SEMA3E: variants seen among roughly 807,000 people sequenced by gnomAD.
SEMA3E encodes semaphorin-3E.
Under a neutral mutation model 93.6 loss-of-function variants are expected in SEMA3E, and 49 were observed. That is an observed-to-expected ratio of 0.52 (90% CI 0.42 to 0.66). The LOEUF (loss-of-function observed/expected upper bound fraction) is 0.66, where lower values mean the gene tolerates loss of function less well. SEMA3E is among the 30% of genes least tolerant of loss of function. SEMA3E has a pLI of 0.00. For missense variants in SEMA3E, 906 were observed against 964.8 expected, an observed-to-expected ratio of 0.94 and a Z score of 0.81; for synonymous variants, 363 against 330.7, an observed-to-expected ratio of 1.10 and a Z score of -1.06.
At chr7:83,427,100 T>C (rs568560260) in intron 4 of SEMA3E, among the ~76,000 whole-genome samples, 1 of 152,298 alleles carries the variant, frequency 6.6e-6, no homozygotes, top group South Asian at 2.1e-4. Flanking sequence ...GCATGTAATT[T>C]GAAGGTAACG....
In SEMA3E at chr7:83,444,950, C is replaced by T. The variant is rs148997669; in HGVS notation, c.456+21532G>A. Among the ~76,000 whole-genome samples the T allele has an allele frequency of 6.0e-4, 91 of 152,234 alleles. 1 individual carries two copies. In the East Asian group the frequency reaches 0.015, roughly 26 times the overall value. ...CCTCCCAAAGTGCTGGGATTACAGG[C>T]GTGAGCCACCGTGACCAGCCTCAGC... On this transcript the variant is annotated intron_variant, in intron 4 of 16. Coordinates refer to ENST00000643230, the MANE Select transcript of SEMA3E (RefSeq NM_012431.3).
At chr7:83,597,351 A>G (rs1294682537) in intron 1 of SEMA3E, among the ~76,000 whole-genome samples, 3 of 152,118 alleles carry the variant, frequency 2.0e-5, no homozygotes, top group African/African-American at 7.2e-5. Context: ...TTTTATGATA[A>G]TTATTTTTGC....
At chr7:83,537,462 G>A (rs576342155) in intron 1 of SEMA3E, among the ~76,000 whole-genome samples, 1 of 152,250 alleles carries the variant, frequency 6.6e-6, no homozygotes, top group East Asian at 1.9e-4. Context: ...AAACGGTGAA[G>A]GGAGAGAGAA....
At chr7:83,616,098 T>C (rs1227708845) in intron 1 of SEMA3E, among the ~76,000 whole-genome samples, 1 of 152,100 alleles carries the variant, frequency 6.6e-6, no homozygotes. Context: ...AAATCTGTGC[T>C]CCTGTGATTT....
chr7:83,480,854 A>C (rs1051255589), intron 2 of SEMA3E, among the ~76,000 whole-genome samples: 3 of 152,220 alleles, frequency 2.0e-5, no homozygotes, highest in Non-Finnish European at 4.4e-5. Flanking sequence ...AAATATCATT[A>C]TCTCTTCTGG....
chr7:83,467,652 A>G (rs937282974), intron 3 of SEMA3E, among the ~76,000 whole-genome samples: 6 of 152,184 alleles, frequency 3.9e-5, no homozygotes, highest in Admixed American at 2.0e-4. Flanking sequence ...ACAATACAAA[A>G]CTAAATGTGT....
At chr7:83,613,034 T>G (rs1273675033) in intron 1 of SEMA3E, among the ~76,000 whole-genome samples, 1 of 152,112 alleles carries the variant, frequency 6.6e-6, no homozygotes, top group African/African-American at 2.4e-5. Flanking sequence ...TAATTTAAAT[T>G]TTTTAGCTTG....
At chr7:83,516,514 A>G (rs1470297302) in intron 1 of SEMA3E, among the ~76,000 whole-genome samples, 2 of 152,196 alleles carry the variant, frequency 1.3e-5, no homozygotes, top group Non-Finnish European at 2.9e-5. Context: ...ATACTTAGCA[A>G]ATCTTAACAC....
At chr7:83,476,651 A>G (rs1584274923) in intron 2 of SEMA3E, among the ~76,000 whole-genome samples, 2 of 151,396 alleles carry the variant, frequency 1.3e-5, no homozygotes, top group South Asian at 4.1e-4. Flanking sequence ...AGTTATTTTT[A>G]AAGCCATCAC....
chr7:83,596,444 G>T (rs1792873711), intron 1 of SEMA3E, among the ~76,000 whole-genome samples: 1 of 151,952 alleles, frequency 6.6e-6, no homozygotes, highest in African/African-American at 2.4e-5. Flanking sequence ...CTAAAGAAAG[G>T]AGACATATGT....
chr7:83,611,044 C>T (rs980578245), intron 1 of SEMA3E, among the ~76,000 whole-genome samples: 1 of 151,444 alleles, frequency 6.6e-6, no homozygotes, highest in African/African-American at 2.4e-5. Flanking sequence ...AAAGTAATTG[C>T]GGATTTGCCA....
intron 5 of SEMA3E, among the ~76,000 whole-genome samples, 186 bp downstream of exon 5, chr7:83,418,204 T>G (rs1380130390): frequency 6.6e-6 from 1 of 152,164 alleles, no homozygotes; most frequent in Non-Finnish European, 1.5e-5. Flanking sequence ...GCATCTGCAC[T>G]TATTTTAGAG....
intron 9 of SEMA3E, 123 bp from the exon 10 acceptor site, chr7:83,402,899 C>A: frequency 2.3e-6 from 2 of 885,030 alleles, no homozygotes; most frequent in Non-Finnish European, 1.8e-6. Context: ...TTTCTTTAAG[C>A]AAAGAATATT....
intron 1 of SEMA3E, among the ~76,000 whole-genome samples, chr7:83,597,202 A>C (rs927884656): frequency 6.6e-6 from 1 of 152,178 alleles, no homozygotes; most frequent in Non-Finnish European, 1.5e-5. Context: ...TGGTTCAAAA[A>C]GTCTATAGCC....
At chr7:83,408,517 C>A in intron 5 of SEMA3E, 30 bp from the exon 6 acceptor site, 1 of 1,611,536 alleles carries the variant, frequency 6.2e-7, no homozygotes, top group South Asian at 1.1e-5. Context: ...AAAAAGAAGT[C>A]AGTATTTGTT....
intron 1 of SEMA3E, among the ~76,000 whole-genome samples, chr7:83,610,072 A>G (rs1482367877): frequency 6.6e-6 from 1 of 152,044 alleles, no homozygotes; most frequent in Non-Finnish European, 1.5e-5. Flanking sequence ...TGTGAAAACA[A>G]TGTTTTAAAT....
At chr7:83,604,992 T>C (rs368040483) in intron 1 of SEMA3E, among the ~76,000 whole-genome samples, 14 of 152,338 alleles carry the variant, frequency 9.2e-5, no homozygotes, top group African/African-American at 3.4e-4. Flanking sequence ...TAGGATTCCA[T>C]GGTGTATATG....
chr7:83,460,210 C>A (rs375076609), intron 4 of SEMA3E, among the ~76,000 whole-genome samples: 9 of 152,284 alleles, frequency 5.9e-5, no homozygotes, highest in African/African-American at 9.6e-5. Flanking sequence ...GATCCACCTA[C>A]GACCTCAGGT....
intron 1 of SEMA3E, among the ~76,000 whole-genome samples, chr7:83,604,419 TTC>T (rs534518181): frequency 3.5e-4 from 48 of 138,596 alleles, no homozygotes; most frequent in African/African-American, 1.0e-3. Flanking sequence ...TTAAGTGGTT[TTC>T]TCTCTCTATA....
Sources: gnomAD v4.1 joint callset for allele counts (sites outside exome capture counted in the v4.1 genomes callset) on GRCh38, gnomAD v4.1.1 for gene constraint, MANE v1.5 for transcripts, NCBI Gene and HGNC (gene_info 2026-07-23, HGNC 2026-07-21) for gene names.